KIAA0825: variants seen among roughly 807,000 people sequenced by gnomAD.
KIAA0825 encodes the protein KIAA0825, also known as uncharacterized protein KIAA0825.
A neutral mutation model predicts 147.6 loss-of-function variants in KIAA0825; 119 were observed. The ratio of observed to expected loss-of-function variants is 0.81; its 90% confidence interval spans 0.69 to 0.94. The LOEUF (loss-of-function observed/expected upper bound fraction) is 0.94, where lower values mean the gene tolerates loss of function less well. Among genes scored for constraint, KIAA0825 ranks in the 40% least tolerant of loss-of-function variants. KIAA0825 has a pLI of 0.00. For missense variants in KIAA0825, 1,381 were observed against 1,472.7 expected, an observed-to-expected ratio of 0.94 and a Z score of 1.02; for synonymous variants, 470 against 518.1, an observed-to-expected ratio of 0.91 and a Z score of 1.26.
chr5:94,337,276 C>A (rs2446772), intron 20 of KIAA0825, among the ~76,000 whole-genome samples: 1 of 151,972 alleles, frequency 6.6e-6, no homozygotes, highest in Non-Finnish European at 1.5e-5. Context: ...AAGAATTCAG[C>A]GTATTGGTAT....
chr5:94,376,867 A>T (rs1263517596), intron 20 of KIAA0825, among the ~76,000 whole-genome samples: 2 of 152,100 alleles, frequency 1.3e-5, no homozygotes, highest in Non-Finnish European at 2.9e-5. Flanking sequence ...CCTTTTTCTT[A>T]AACCCACTTC....
intron 6 of KIAA0825, among the ~76,000 whole-genome samples, chr5:94,479,697 C>T (rs1192792399): frequency 6.6e-6 from 1 of 152,110 alleles, no homozygotes; most frequent in East Asian, 1.9e-4. Context: ...AGAGCCTGTA[C>T]CATTTTGCAT....
At chr5:94,376,444 C>T (rs1747583835) in intron 20 of KIAA0825, among the ~76,000 whole-genome samples, 1 of 152,072 alleles carries the variant, frequency 6.6e-6, no homozygotes, top group African/African-American at 2.4e-5. Flanking sequence ...TGTGAAAGTG[C>T]TTTATACACC....
Position 94,340,626 on chromosome 5 carries a change from G to C in KIAA0825, c.3710+43742C>G, listed in dbSNP as rs1192851324. On this transcript the variant is annotated intron_variant, in intron 20 of 20. Coordinates refer to ENST00000682413, the MANE Select transcript of KIAA0825 (RefSeq NM_001145678.3). ...AAGTTATCAAGACTAATGTGATCCT[G>C]TTGCAGTGAAATATAATACATTAAT... Among the ~76,000 whole-genome samples the C allele has an allele frequency of 3.4e-4, 52 of 152,122 alleles. 1 individual carries two copies. Among genetic ancestry groups the C allele is most frequent in the Admixed American group, 3.3e-3 (51 of 15,266 alleles).
chr5:94,455,347 G>C (rs761290324), intron 12 of KIAA0825, among the ~76,000 whole-genome samples: 16 of 152,204 alleles, frequency 1.1e-4, no homozygotes, highest in Non-Finnish European at 2.4e-4. Context: ...GAAGCCAAAA[G>C]AAGAGAAAAT....
rs371001404 is a variant in KIAA0825 at position 94,528,788 on chromosome 5, C to CTT, written c.132-4692_132-4691dup. Among the ~76,000 whole-genome samples the CTT allele has an allele frequency of 3.3e-4, 48 of 146,604 alleles. 1 individual carries two copies. The highest frequency in any genetic ancestry group is 2.2e-3 in the East Asian group (11 of 5,044). On this transcript the variant is annotated intron_variant, in intron 3 of 20. Coordinates refer to ENST00000682413, the MANE Select transcript of KIAA0825 (RefSeq NM_001145678.3). ...CAATCAAGAATAAGTAAATGTGCTCCTTTTTTTTTTTTAAATCTATAAAGG... is the reference window on the plus strand; with the variant it reads ...CAATCAAGAATAAGTAAATGTGCTCCTTTTTTTTTTTTTTAAATCTATAAAGG...
chr5:94,208,386 A>G (rs1356331241), intron 20 of KIAA0825, among the ~76,000 whole-genome samples: 1 of 152,234 alleles, frequency 6.6e-6, no homozygotes, highest in Non-Finnish European at 1.5e-5. Context: ...AACATCTATT[A>G]TTCAACAATT....
At chr5:94,179,611 A>G (rs1769415751) in intron 20 of KIAA0825, among the ~76,000 whole-genome samples, 2 of 152,084 alleles carry the variant, frequency 1.3e-5, no homozygotes, top group African/African-American at 4.8e-5. Flanking sequence ...CTTCTCCAAT[A>G]AAAGAAACAG....
At chr5:94,236,871 G>T (rs1775070459) in intron 20 of KIAA0825, among the ~76,000 whole-genome samples, 1 of 152,120 alleles carries the variant, frequency 6.6e-6, no homozygotes, top group Non-Finnish European at 1.5e-5. Context: ...TATGTACATT[G>T]TTTTTTAGAC....
intron 16 of KIAA0825, among the ~76,000 whole-genome samples, chr5:94,397,310 A>G (rs1254386842): frequency 4.6e-5 from 7 of 152,144 alleles, no homozygotes; most frequent in African/African-American, 1.7e-4. Context: ...TCCACTTTCT[A>G]TTAACATCGC....
At chr5:94,566,967 G>A (rs1314315200) in intron 2 of KIAA0825, among the ~76,000 whole-genome samples, 2 of 152,118 alleles carry the variant, frequency 1.3e-5, no homozygotes, top group Non-Finnish European at 2.9e-5. Flanking sequence ...AAATGTTAAT[G>A]ATTATTTTGA....
intron 20 of KIAA0825, among the ~76,000 whole-genome samples, chr5:94,334,928 CAGA>C (rs1281866735): frequency 6.6e-6 from 1 of 152,268 alleles, no homozygotes; most frequent in East Asian, 1.9e-4. Context: ...TCACAGAAAA[CAGA>C]AGGTGTATCA....
intron 20 of KIAA0825, among the ~76,000 whole-genome samples, chr5:94,252,930 TTCTATTCAGCTTAAGACATAAAC>T (rs749354265): frequency 4.2e-4 from 64 of 152,214 alleles, no homozygotes; most frequent in Non-Finnish European, 8.1e-4. Context: ...GATTAATGTT[TTCTATTCAGCTTAAGACATAAAC>T]CTACATGGGA....
intron 20 of KIAA0825, among the ~76,000 whole-genome samples, chr5:94,370,438 T>C (rs560958888): frequency 3.7e-4 from 57 of 152,068 alleles, no homozygotes; most frequent in Non-Finnish European, 6.6e-4. Context: ...AAATAAAATA[T>C]AAGTAGAGAA....
Position 94,435,884 on chromosome 5 carries a change from A to AT in KIAA0825, c.2497+4097dup, listed in dbSNP as rs529284524. Among the ~76,000 whole-genome samples, 294 of 149,868 alleles carry AT rather than the reference A, an allele frequency of 2.0e-3. 1 individual carries two copies. Among genetic ancestry groups the AT allele is most frequent in the Middle Eastern group, 3.5e-3 (1 of 288 alleles). ...TCTCTAATGATCAGTGATGTTCAGC[A>AT]TTTTTTTTTCATATAACTGTTGGCT... On this transcript the variant is annotated intron_variant, in intron 14 of 20. Coordinates refer to ENST00000682413, the MANE Select transcript of KIAA0825 (RefSeq NM_001145678.3).
intron 2 of KIAA0825, among the ~76,000 whole-genome samples, chr5:94,542,577 C>A (rs1381397268): frequency 1.3e-5 from 2 of 152,150 alleles, no homozygotes; most frequent in Non-Finnish European, 2.9e-5. Flanking sequence ...GAGTCCGAGG[C>A]AGAGGGATCA....
intron 1 of KIAA0825, 43 bp from the exon 2 acceptor site, chr5:94,582,626 A>C (rs1408401127): frequency 6.6e-6 from 1 of 152,046 alleles, no homozygotes; most frequent in African/African-American, 2.4e-5. Flanking sequence ...CCACAATGGG[A>C]TGGAGGGCAT....
intron 16 of KIAA0825, among the ~76,000 whole-genome samples, 166 bp from the exon 17 acceptor site, chr5:94,396,675 C>T (rs984618701): frequency 6.6e-6 from 1 of 151,992 alleles, no homozygotes. Flanking sequence ...CGCAGTACTA[C>T]CTAAAATTCC....
rs572858074 is a variant in KIAA0825, at chr5:94,515,920, T to C, written c.970+4328A>G. ...ATCTGTAAGAATAATATTGTTCTCT[T>C]CTATAAAAGATTGTTAAATCAAAAA... On this transcript the variant is annotated intron_variant, in intron 5 of 20. Coordinates refer to ENST00000682413, the MANE Select transcript of KIAA0825 (RefSeq NM_001145678.3). Among the ~76,000 whole-genome samples the C allele has an allele frequency of 2.6e-5, 4 of 152,310 alleles. No individual in the cohort carries two copies. The East Asian group carries it at 7.7e-4, about 29-fold the overall frequency.
Sources: allele counts gnomAD v4.1 joint callset (sites outside exome capture counted in the v4.1 genomes callset), GRCh38; gene constraint gnomAD v4.1.1; transcripts MANE v1.5; gene names NCBI Gene and HGNC (gene_info 2026-07-23, HGNC 2026-07-21).